OXCT1: variants seen among roughly 807,000 people sequenced by gnomAD.
OXCT1 encodes succinyl-CoA:3-ketoacid coenzyme A transferase 1, mitochondrial.
OXCT1 carries 27 observed loss-of-function variants against 69.6 expected under a neutral mutation model. That is an observed-to-expected ratio of 0.39 (90% confidence interval 0.29 to 0.54). The LOEUF is 0.54. Among genes scored for constraint, OXCT1 ranks in the 20% least tolerant of loss-of-function variants. The probability of loss-of-function intolerance (pLI) is 0.72; values close to 1 mark genes in which losing one functional copy is unlikely to be tolerated. For missense variants in OXCT1, 437 were observed against 650.2 expected, an observed-to-expected ratio of 0.67 and a Z score of 3.57; for synonymous variants, 202 against 217.8, an observed-to-expected ratio of 0.93 and a Z score of 0.64.
intron 13 of OXCT1, among the ~76,000 whole-genome samples, chr5:41,771,199 T>C (rs973468077): frequency 1.3e-5 from 2 of 152,190 alleles, no homozygotes; most frequent in African/African-American, 4.8e-5. Context: ...TTTTGTAAAA[T>C]GTAAATACCA....
chr5:41,807,719 T>G (rs1298463421), intron 7 of OXCT1, among the ~76,000 whole-genome samples: 3 of 152,062 alleles, frequency 2.0e-5, no homozygotes, highest in Admixed American at 6.6e-5. Context: ...AGTTACAAAT[T>G]TGTCAAATGG....
Position 41,805,551 on chromosome 5 carries a change from G to T in OXCT1, c.955+16C>A. The T allele has an allele frequency of 6.4e-7, 1 of 1,560,950 alleles. No homozygotes were observed. Among genetic ancestry groups the T allele is most frequent in the Non-Finnish European group, 8.8e-7 (1 of 1,131,890 alleles). On this transcript the variant is annotated intron_variant, in intron 9 of 16. Transcript: ENST00000196371. The stretch of plus-strand genomic sequence containing the variant: ...AAGGCTATGTCTTTGCCCGGGCTCA[G>T]AAGGATAAAGGATACCATACATGCC...
intron 7 of OXCT1, among the ~76,000 whole-genome samples, chr5:41,825,751 C>T (rs1336153470): frequency 6.6e-6 from 1 of 152,180 alleles, no homozygotes; most frequent in Admixed American, 6.5e-5. Context: ...CCCACTCCTC[C>T]TCCAATTTAG....
intron 5 of OXCT1, among the ~76,000 whole-genome samples, chr5:41,845,892 A>AT (rs1311502393): frequency 6.6e-6 from 1 of 152,060 alleles, no homozygotes; most frequent in Non-Finnish European, 1.5e-5. Flanking sequence ...TAAAAAACAC[A>AT]TTTTTTATCT....
In OXCT1 at chr5:41,840,570, G is replaced by A. The variant is rs375283148; in HGVS notation, c.672-59C>T. ...GAAAAGACGAAAAATAAGCATCTCTGTCACCTTTAAGGTTTTATAGATTAG... is the reference window on the plus strand; with the variant it reads ...GAAAAGACGAAAAATAAGCATCTCTATCACCTTTAAGGTTTTATAGATTAG... On this transcript the variant is annotated intron_variant, in intron 6 of 16. Coordinates refer to ENST00000196371, the MANE Select transcript of OXCT1 (RefSeq NM_000436.4). 42 of 1,024,784 alleles carry A rather than the reference G, an allele frequency of 4.1e-5. No homozygotes were observed. The African/African-American group carries it at 5.4e-4, about 13-fold the overall frequency. The allele number at this position is 1,024,784 out of a possible 1,614,324, so 63.5% of individuals were successfully genotyped here. A position where few individuals can be genotyped will look rare whatever the true frequency, so the allele number is the denominator to read the frequency against.
chr5:41,835,446 T>C (rs1005792816), intron 7 of OXCT1, among the ~76,000 whole-genome samples: 3 of 152,248 alleles, frequency 2.0e-5, no homozygotes, highest in Non-Finnish European at 4.4e-5. Flanking sequence ...AATATCACTT[T>C]TGAAAATAAT....
At chr5:41,758,473 G>A (rs1744190261) in intron 14 of OXCT1, among the ~76,000 whole-genome samples, 1 of 151,982 alleles carries the variant, frequency 6.6e-6, no homozygotes, top group Non-Finnish European at 1.5e-5. Flanking sequence ...CAGAGCAGAG[G>A]GCATTATAAA....
chr5:41,738,594 T>C (rs1455224807), intron 16 of OXCT1, among the ~76,000 whole-genome samples: 2 of 152,236 alleles, frequency 1.3e-5, no homozygotes, highest in Non-Finnish European at 2.9e-5. Context: ...CCCAATCTTA[T>C]GCTGTCTTTG....
At chr5:41,734,759 A>C (rs185183825) in intron 16 of OXCT1, among the ~76,000 whole-genome samples, 9 of 152,336 alleles carry the variant, frequency 5.9e-5, no homozygotes, top group African/African-American at 2.2e-4. Context: ...AAAAACTTCC[A>C]TGTGTCAAAG....
chr5:41,792,761 C>T (rs906061123), intron 13 of OXCT1, among the ~76,000 whole-genome samples: 5 of 152,118 alleles, frequency 3.3e-5, no homozygotes, highest in Non-Finnish European at 7.4e-5. Context: ...ATTATGATGG[C>T]TCAATGATGT....
At chr5:41,748,703 GCTCA>G (rs1743626462) in intron 15 of OXCT1, among the ~76,000 whole-genome samples, 1 of 152,046 alleles carries the variant, frequency 6.6e-6, no homozygotes, top group Non-Finnish European at 1.5e-5. Context: ...GCTTTAGGGT[GCTCA>G]CTGTCACACC....
intron 13 of OXCT1, among the ~76,000 whole-genome samples, chr5:41,774,296 A>G (rs67114999): frequency 0.21 from 32,118 of 152,132 alleles, 3,528 homozygotes; most frequent in Middle Eastern, 0.29. Context: ...GCATGGGTTA[A>G]TATGTGTGCA....
At chr5:41,790,137 G>A (rs1579742054) in intron 13 of OXCT1, among the ~76,000 whole-genome samples, 1 of 152,280 alleles carries the variant, frequency 6.6e-6, no homozygotes, top group African/African-American at 2.4e-5. Context: ...ATAGAGGAGG[G>A]CTCTTGGCTC....
At chr5:41,788,254 A>T (rs890725254) in intron 13 of OXCT1, among the ~76,000 whole-genome samples, 5 of 152,132 alleles carry the variant, frequency 3.3e-5, no homozygotes, top group African/African-American at 4.8e-5. Context: ...TCCAACAGTG[A>T]AGATAAAATA....
At chr5:41,857,028 C>T (rs1749460390) in intron 3 of OXCT1, among the ~76,000 whole-genome samples, 2 of 152,212 alleles carry the variant, frequency 1.3e-5, no homozygotes, top group African/African-American at 4.8e-5. Context: ...TACAGATCCT[C>T]AGCCCAAAAC....
In OXCT1 at chr5:41,762,054, G is replaced by A; in HGVS notation, c.1338+57C>T. 3.5e-6 allele frequency: 4 copies of A among 1,152,838 alleles called. No individual in the cohort carries two copies. The highest frequency in any genetic ancestry group is 2.3e-5 in the East Asian group (1 of 42,712). 71.4% of individuals were successfully genotyped at this position (1,152,838 alleles called of 1,614,324 possible). ...GTTAGGTGACCTGGTGGTACACTGG[G>A]TTTTGATGTATTGCAAATTTCCAAA... On this transcript the variant is annotated intron_variant, in intron 14 of 16. Coordinates refer to ENST00000196371, the MANE Select transcript of OXCT1 (RefSeq NM_000436.4). This position sits in a 1 kb window ranked among gnomAD's most constrained non-coding sequence, Gnocchi z 4.0.
intron 7 of OXCT1, among the ~76,000 whole-genome samples, chr5:41,837,011 T>A (rs1748397496): frequency 6.6e-6 from 1 of 152,214 alleles, no homozygotes; most frequent in South Asian, 2.1e-4. Context: ...TTGCTGTAAA[T>A]TATATAATTT....
intron 1 of OXCT1, among the ~76,000 whole-genome samples, chr5:41,863,348 T>C (rs1383262931): frequency 6.6e-6 from 1 of 152,144 alleles, no homozygotes; most frequent in African/African-American, 2.4e-5. Context: ...AGCAATTTTC[T>C]AGTATAAAAT....
chr5:41,854,823 T>C (rs1467170013), intron 3 of OXCT1, among the ~76,000 whole-genome samples: 1 of 152,162 alleles, frequency 6.6e-6, no homozygotes, highest in Non-Finnish European at 1.5e-5. Flanking sequence ...AACTCTCATA[T>C]GTGCCAAGGG....
Sources: allele counts gnomAD v4.1 joint callset (sites outside exome capture counted in the v4.1 genomes callset), GRCh38; gene constraint gnomAD v4.1.1; non-coding constraint Gnocchi (gnomAD v3.1); transcripts MANE v1.5; gene names NCBI Gene and HGNC (gene_info 2026-07-23, HGNC 2026-07-21).